The following RAD50 variants were observed in gnomAD, a reference collection of about 807,000 sequenced individuals.
RAD50 encodes RAD50 double strand break repair protein.
A neutral mutation model predicts 168.8 loss-of-function variants in RAD50; 132 were observed. That is an observed-to-expected ratio of 0.78 (90% CI 0.68 to 0.90). The LOEUF (loss-of-function observed/expected upper bound fraction) is 0.90, where lower values mean the gene tolerates loss of function less well. RAD50 is among the 40% of genes least tolerant of loss of function. The pLI is 0.00. For synonymous variants in RAD50, 525 were observed against 497.4 expected (o/e 1.06, Z -0.74); for missense variants, 1,347 against 1,534.4 (o/e 0.88, Z 2.04).
chr5:132,559,926 T>G (rs1215795921), intron 2 of RAD50, among the ~76,000 whole-genome samples: 1 of 152,104 alleles, frequency 6.6e-6, no homozygotes, highest in African/African-American at 2.4e-5. Flanking sequence ...AAAAAAAGTA[T>G]CATGATAAAA....
intron 3 of RAD50, among the ~76,000 whole-genome samples, chr5:132,576,509 C>T (rs1750402942): frequency 6.6e-6 from 1 of 152,188 alleles, no homozygotes; most frequent in African/African-American, 2.4e-5. Flanking sequence ...TCTTCTCCTC[C>T]CTTTTATTTA....
At chr5:132,616,587 C>G (rs756725311) in intron 20 of RAD50, among the ~76,000 whole-genome samples, 2 of 152,120 alleles carry the variant, frequency 1.3e-5, no homozygotes, top group Non-Finnish European at 2.9e-5. Flanking sequence ...GAAAGATGAG[C>G]CTCATTCTTC....
chr5:132,640,866 G>T, intron 24 of RAD50, 61 bp downstream of exon 24: 1 of 1,609,404 alleles, frequency 6.2e-7, no homozygotes, highest in East Asian at 2.2e-5. Flanking sequence ...GACAGGTTGT[G>T]ATAGTTCTTC....
chr5:132,631,528 A>C (rs1188526353), intron 21 of RAD50, among the ~76,000 whole-genome samples: 1 of 152,246 alleles, frequency 6.6e-6, no homozygotes, highest in Admixed American at 6.5e-5. Flanking sequence ...TGGAGCTGAT[A>C]CACTAGCCAG....
At chr5:132,603,568 T>C in intron 14 of RAD50, 79 bp downstream of exon 14, 1 of 1,428,094 alleles carries the variant, frequency 7.0e-7, no homozygotes. Flanking sequence ...TTAAAAATAG[T>C]AGCTAGTATT....
intron 3 of RAD50, among the ~76,000 whole-genome samples, chr5:132,576,562 A>C (rs536929106): frequency 1.3e-5 from 2 of 152,300 alleles, no homozygotes; most frequent in African/African-American, 2.4e-5. Context: ...ATGCACATCT[A>C]CTATGTGCTG....
chr5:132,634,661 A>G (rs565633072), intron 21 of RAD50, among the ~76,000 whole-genome samples: 8 of 152,240 alleles, frequency 5.3e-5, no homozygotes, highest in African/African-American at 1.9e-4. Flanking sequence ...ACTTCTATAG[A>G]TTTTAAATTA....
chr5:132,612,107 A>G (rs1274235741), intron 19 of RAD50, among the ~76,000 whole-genome samples: 1 of 152,222 alleles, frequency 6.6e-6, no homozygotes, highest in Non-Finnish European at 1.5e-5. Context: ...CAAAATATGG[A>G]CACACCCAAA....
chr5:132,595,309 C>A, intron 12 of RAD50: 1 of 544,086 alleles, frequency 1.8e-6, no homozygotes, highest in Non-Finnish European at 3.2e-6. Flanking sequence ...GCCCTTAGAA[C>A]AGTGCCTGGC....
chr5:132,604,068 T>C (rs763635166), intron 15 of RAD50, 22 bp downstream of exon 15: 4 of 1,612,418 alleles, frequency 2.5e-6, no homozygotes, highest in Non-Finnish European at 3.4e-6. Context: ...TGTGTCCTTC[T>C]GTACTCATAG....
chr5:132,616,778 A>G (rs894293673), intron 20 of RAD50, among the ~76,000 whole-genome samples: 9 of 152,184 alleles, frequency 5.9e-5, no homozygotes, highest in African/African-American at 2.2e-4. Flanking sequence ...TAGATTGTCA[A>G]CCACCTCAGC....
intron 24 of RAD50, 50 bp downstream of exon 24, chr5:132,640,855 G>A (rs1044307165): frequency 3.6e-5 from 58 of 1,611,580 alleles, no homozygotes; most frequent in Non-Finnish European, 4.8e-5. Context: ...TCACATTTGG[G>A]GACAGGTTGT....
At chr5:132,599,707 G>A (rs2071943850) in intron 13 of RAD50, among the ~76,000 whole-genome samples, 1 of 151,806 alleles carries the variant, frequency 6.6e-6, no homozygotes, top group Admixed American at 6.6e-5. Flanking sequence ...ACAGGCATAA[G>A]CCACCATGCC....
At chr5:132,572,524 A>G (rs1040363711) in intron 2 of RAD50, among the ~76,000 whole-genome samples, 1 of 152,212 alleles carries the variant, frequency 6.6e-6, no homozygotes, top group African/African-American at 2.4e-5. Flanking sequence ...GTGCCAGCTA[A>G]TGAAAAGAAT....
chr5:132,562,520 T>G (rs1387002586), intron 2 of RAD50, among the ~76,000 whole-genome samples: 3 of 152,120 alleles, frequency 2.0e-5, no homozygotes, highest in African/African-American at 7.2e-5. Context: ...AACTCCAAAG[T>G]TTTTGGCTTG....
chr5:132,616,278 A>G, intron 20 of RAD50, 148 bp downstream of exon 20: 1 of 775,536 alleles, frequency 1.3e-6, no homozygotes. Flanking sequence ...TGATACAATT[A>G]TATTTCATGG....
chr5:132,589,738 T>A lies in RAD50; in HGVS notation c.1353T>A (p.Ser451Arg), dbSNP rs587782523. ...TTGAGTTAAAATCAGAAATCCTAAG[T>A]AAGAAGCAGAATGAGCTGAAAAATG... ...RIIELKSEIL[S>R]KKQNELKNVK... The change falls in exon 9 of 25, where the codon AGT becomes AGA. Residue 451 changes from serine (S) to arginine (R), a missense_variant. Ser to Arg is a moderately radical substitution (Grantham distance 110, BLOSUM62 -1). This residue lies in a region of RAD50 where 703 missense variants were observed against 767.7 expected (regional missense o/e 0.92). Transcript: ENST00000378823. 6.8e-6 allele frequency: 11 copies of A among 1,613,256 alleles called. No individual in the cohort carries two copies. The highest frequency in any genetic ancestry group is 6.6e-5 in the South Asian group (6 of 91,042).
At position 132,604,170 on chromosome 5, in the gene RAD50, T is replaced by C. The variant is rs117608196; in HGVS notation, c.2524+124T>C. The C allele has an allele frequency of 2.2e-4, 258 of 1,194,458 alleles. 2 individuals carry two copies. In the East Asian group the frequency reaches 6.2e-3, roughly 29 times the overall value. The allele number at this position is 1,194,458 out of a possible 1,614,324, so 74.0% of individuals were successfully genotyped here. Reference sequence around the variant, plus strand: ...TTCCTTCCTGTCCACATATATTTGCTCTTTTTTTCTGAAAAGCATCACTTC... The same window carrying C: ...TTCCTTCCTGTCCACATATATTTGCCCTTTTTTTCTGAAAAGCATCACTTC... On this transcript the variant is annotated intron_variant, in intron 15 of 24. Coordinates refer to ENST00000378823, the MANE Select transcript of RAD50 (RefSeq NM_005732.4).
At chr5:132,624,385 T>C (rs573520078) in intron 21 of RAD50, among the ~76,000 whole-genome samples, 3 of 152,170 alleles carry the variant, frequency 2.0e-5, no homozygotes, top group Non-Finnish European at 4.4e-5. Context: ...GTTTTTTGGT[T>C]TTTTTTGCCT....
Sources: allele counts gnomAD v4.1 joint callset (sites outside exome capture counted in the v4.1 genomes callset), GRCh38; gene constraint gnomAD v4.1.1; regional missense constraint gnomAD v4.1.1; transcripts MANE v1.5; gene names NCBI Gene and HGNC (gene_info 2026-07-23, HGNC 2026-07-21).